GSK3B: variants seen among roughly 807,000 people sequenced by gnomAD.
GSK3B encodes the protein glycogen synthase kinase-3 beta.
A neutral mutation model predicts 56.4 loss-of-function variants in GSK3B; 15 were observed. The ratio of observed to expected loss-of-function variants is 0.27; its 90% confidence interval spans 0.18 to 0.41. The LOEUF is 0.41. GSK3B is among the 10% of genes least tolerant of loss of function. The pLI is 1.00. For synonymous variants in GSK3B, 181 were observed against 188.9 expected, an observed-to-expected ratio of 0.96 and a Z score of 0.34; for missense variants, 300 against 513.4, an observed-to-expected ratio of 0.58 and a Z score of 4.02.
chr3:119,992,342 A>C (rs2057573495), intron 2 of GSK3B, among the ~76,000 whole-genome samples: 1 of 152,130 alleles, frequency 6.6e-6, no homozygotes, highest in Admixed American at 6.5e-5. Context: ...ATATAATAAC[A>C]GTAACATCTC....
At chr3:119,924,566 T>A (rs1194736655) in intron 3 of GSK3B, among the ~76,000 whole-genome samples, 1 of 152,154 alleles carries the variant, frequency 6.6e-6, no homozygotes, top group African/African-American at 2.4e-5. Flanking sequence ...ATTCAAAACA[T>A]AAGGTCATGT....
chr3:119,996,235 G>C (rs1553744634), intron 2 of GSK3B, among the ~76,000 whole-genome samples: 1 of 152,222 alleles, frequency 6.6e-6, no homozygotes, highest in Non-Finnish European at 1.5e-5. Flanking sequence ...CAAGTTTCAA[G>C]TGTTTGTTAT....
intron 3 of GSK3B, among the ~76,000 whole-genome samples, chr3:119,925,477 A>T (rs1010180392): frequency 6.6e-6 from 1 of 152,156 alleles, no homozygotes; most frequent in African/African-American, 2.4e-5. Context: ...CACTACAAGC[A>T]CTAACCTACC....
At position 119,960,052 on chromosome 3, in the gene GSK3B, T is replaced by C. The variant is rs1012577123; in HGVS notation, c.283-12701A>G. ...ACTCACTGGGTGAATAAACAAACTG[T>C]AGTATATCCATACCATGGAATACTA... On this transcript the variant is annotated intron_variant, in intron 2 of 10. Coordinates refer to ENST00000264235, the MANE Select transcript of GSK3B (RefSeq NM_001146156.2). Among the ~76,000 whole-genome samples the C allele has an allele frequency of 6.7e-5, 10 of 148,766 alleles. No individual in the cohort carries two copies. In the East Asian group the frequency reaches 2.0e-3, roughly 30 times the overall value.
chr3:119,919,967 G>A (rs974590633), intron 4 of GSK3B, among the ~76,000 whole-genome samples: 3 of 152,044 alleles, frequency 2.0e-5, no homozygotes, highest in African/African-American at 7.2e-5. Flanking sequence ...AAGAATAACT[G>A]CATGTTTGCT....
At chr3:120,031,114 T>C (rs2057971920) in intron 1 of GSK3B, among the ~76,000 whole-genome samples, 1 of 152,198 alleles carries the variant, frequency 6.6e-6, no homozygotes, top group African/African-American at 2.4e-5. Flanking sequence ...ATGCAAAAAT[T>C]ACATGGACCA....
chr3:119,891,638 G>A (rs993306056), intron 7 of GSK3B, among the ~76,000 whole-genome samples: 1 of 152,126 alleles, frequency 6.6e-6, no homozygotes, highest in East Asian at 1.9e-4. Context: ...TTAGACTAAA[G>A]ACATATATTT....
chr3:119,982,265 G>C (rs1252847937), intron 2 of GSK3B, among the ~76,000 whole-genome samples: 1 of 152,186 alleles, frequency 6.6e-6, no homozygotes, highest in Non-Finnish European at 1.5e-5. Flanking sequence ...GAGAACCAGA[G>C]CAGAAAAGCT....
At chr3:119,996,898 C>T (rs1299180367) in intron 2 of GSK3B, among the ~76,000 whole-genome samples, 2 of 151,732 alleles carry the variant, frequency 1.3e-5, no homozygotes, top group African/African-American at 4.8e-5. Flanking sequence ...CATAAAATAC[C>T]TCCAAAAAAA....
At chr3:119,989,093 T>C (rs1559865969) in intron 2 of GSK3B, among the ~76,000 whole-genome samples, 2 of 152,148 alleles carry the variant, frequency 1.3e-5, no homozygotes, top group Admixed American at 6.5e-5. Flanking sequence ...AAACTAGATG[T>C]TTCAGCAGAC....
intron 9 of GSK3B, among the ~76,000 whole-genome samples, chr3:119,858,870 G>T (rs758734933): frequency 3.9e-5 from 6 of 152,154 alleles, no homozygotes; most frequent in Non-Finnish European, 5.9e-5. Flanking sequence ...GGAATAGGAA[G>T]ATCCAAGAAG....
At chr3:119,906,728 A>T (rs2056686226) in intron 6 of GSK3B, among the ~76,000 whole-genome samples, 1 of 152,048 alleles carries the variant, frequency 6.6e-6, no homozygotes, top group South Asian at 2.1e-4. Context: ...TAGGTTTTTA[A>T]TGTACCAACA....
chr3:120,019,141 TTTTC>T, intron 1 of GSK3B, among the ~76,000 whole-genome samples: 1 of 152,214 alleles, frequency 6.6e-6, no homozygotes, highest in Non-Finnish European at 1.5e-5. Flanking sequence ...TTACTTTTAC[TTTTC>T]ATACATTCAA....
chr3:119,979,920 T>A (rs756681296), intron 2 of GSK3B, among the ~76,000 whole-genome samples: 2 of 152,178 alleles, frequency 1.3e-5, no homozygotes, highest in African/African-American at 2.4e-5. Flanking sequence ...CCCTGGAAAC[T>A]GTTTTCCTAG....
intron 7 of GSK3B, among the ~76,000 whole-genome samples, chr3:119,897,403 A>C (rs1366280393): frequency 6.6e-6 from 1 of 152,008 alleles, no homozygotes; most frequent in Non-Finnish European, 1.5e-5. Context: ...TTCTTATTTT[A>C]AAAATGTTGG....
chr3:119,900,919 G>C (rs2056618121), intron 7 of GSK3B, among the ~76,000 whole-genome samples: 1 of 151,982 alleles, frequency 6.6e-6, no homozygotes, highest in Non-Finnish European at 1.5e-5. Context: ...AGTGATTTTT[G>C]TCTATTTGTC....
At chr3:119,999,524 C>G (rs1482015626) in intron 2 of GSK3B, among the ~76,000 whole-genome samples, 1 of 152,182 alleles carries the variant, frequency 6.6e-6, no homozygotes, top group Non-Finnish European at 1.5e-5. Context: ...TAGTAAGTAT[C>G]TGCTATCATC....
chr3:119,995,783 G>A (rs1171017201), intron 2 of GSK3B, among the ~76,000 whole-genome samples: 1 of 147,828 alleles, frequency 6.8e-6, no homozygotes, highest in Non-Finnish European at 1.5e-5. Flanking sequence ...TGTCCCCCAG[G>A]CTAGAGTGCA....
In GSK3B at chr3:119,993,165, G is replaced by A. The variant is rs190583953; in HGVS notation, c.282+8881C>T. ...AGGAAGAAAAAAAAAAAAAGAAAAT[G>A]CACAAACGAGCAGGTATGTGTAAAA... On this transcript the variant is annotated intron_variant, in intron 2 of 10. Transcript: ENST00000264235. Among the ~76,000 whole-genome samples the A allele has an allele frequency of 3.9e-4, 58 of 149,744 alleles. No homozygotes were observed. The East Asian group carries it at 7.8e-3, about 20-fold the overall frequency.
Sources: allele counts gnomAD v4.1 joint callset (sites outside exome capture counted in the v4.1 genomes callset), GRCh38; gene constraint gnomAD v4.1.1; transcripts MANE v1.5; gene names NCBI Gene and HGNC (gene_info 2026-07-23, HGNC 2026-07-21).